The following RAI14 variants were observed in gnomAD, a reference collection of about 807,000 sequenced individuals.
The protein encoded by RAI14 is ankycorbin.
RAI14 carries 45 observed loss-of-function variants against 115.4 expected under a neutral mutation model. That is an observed-to-expected ratio of 0.39 (90% confidence interval 0.31 to 0.50). The LOEUF (loss-of-function observed/expected upper bound fraction) is 0.50, where lower values mean the gene tolerates loss of function less well. RAI14 is among the 20% of genes least tolerant of loss of function. The probability of loss-of-function intolerance (pLI) is 0.85; values close to 1 mark genes in which losing one functional copy is unlikely to be tolerated. For missense variants in RAI14, 939 were observed against 1,131.2 expected (o/e 0.83, Z 2.44); for synonymous variants, 371 against 415.4 (o/e 0.89, Z 1.30).
At chr5:34,687,412 G>T in intron 2 of RAI14, 1 of 452,622 alleles carries the variant, frequency 2.2e-6, no homozygotes, top group Non-Finnish European at 3.5e-6. Flanking sequence ...GTGGTAAAAT[G>T]GTATCTACTG....
intron 3 of RAI14, among the ~76,000 whole-genome samples, chr5:34,793,664 T>G (rs1753183464): frequency 5.3e-5 from 8 of 152,354 alleles, no homozygotes; most frequent in Non-Finnish European, 2.9e-5. Flanking sequence ...TTGATTGATT[T>G]GGGTGTGTGT....
intron 5 of RAI14, among the ~76,000 whole-genome samples, chr5:34,804,836 A>C (rs1025105976): frequency 2.6e-5 from 4 of 152,192 alleles, no homozygotes; most frequent in African/African-American, 9.7e-5. Flanking sequence ...ATCATTGCTC[A>C]AGCTCTCTGC....
At chr5:34,725,833 G>A (rs180927558) in intron 2 of RAI14, among the ~76,000 whole-genome samples, 141 of 151,774 alleles carry the variant, frequency 9.3e-4, no homozygotes, top group African/African-American at 3.1e-3. Context: ...CAGTGGTGGC[G>A]TATGCGTGTA....
chr5:34,752,468 C>T (rs1396153677), intron 2 of RAI14, among the ~76,000 whole-genome samples: 1 of 151,904 alleles, frequency 6.6e-6, no homozygotes, highest in Middle Eastern at 3.2e-3. Context: ...TTCATCAAGT[C>T]TAGACTGTGG....
chr5:34,736,608 G>A (rs1162172409), intron 2 of RAI14, among the ~76,000 whole-genome samples: 2 of 152,014 alleles, frequency 1.3e-5, no homozygotes, highest in Non-Finnish European at 2.9e-5. Context: ...TCACTGTGTT[G>A]CCCAGGCTGG....
At chr5:34,719,106 C>T (rs940147761) in intron 2 of RAI14, among the ~76,000 whole-genome samples, 1 of 152,074 alleles carries the variant, frequency 6.6e-6, no homozygotes, top group Non-Finnish European at 1.5e-5. Flanking sequence ...GACAGCTCGT[C>T]TCTGATCCGT....
Position 34,823,621 on chromosome 5 carries a change from G to A in RAI14, c.1779G>A (p.Glu593=), listed in dbSNP as rs1418951883. 1 of 1,614,022 alleles carries A rather than the reference G, an allele frequency of 6.2e-7. No individual in the cohort carries two copies. Among genetic ancestry groups the A allele is most frequent in the East Asian group, 2.2e-5 (1 of 44,886 alleles). The part of the protein sequence containing the change: ...YCSVIENMNK[E]KAFLFEKYQE... ...CTGTTATTGAGAATATGAATAAGGA[G>A]AAAGCATTTTTGTTTGAGAAATACC... Residue 593 remains glutamate (E), a synonymous_variant, in exon 15 of 18, where the codon GAG becomes GAA. Coordinates refer to ENST00000265109, the MANE Select transcript of RAI14 (RefSeq NM_015577.3). This position sits in a 1 kb window ranked among gnomAD's most constrained non-coding sequence, Gnocchi z 4.5.
At chr5:34,689,126 G>T (rs1404034396) in intron 2 of RAI14, among the ~76,000 whole-genome samples, 4 of 152,146 alleles carry the variant, frequency 2.6e-5, no homozygotes, top group Non-Finnish European at 5.9e-5. Context: ...GCAATCTGCT[G>T]GCACGGTGGC....
intron 1 of RAI14, among the ~76,000 whole-genome samples, chr5:34,678,546 A>G (rs1345671441): frequency 6.6e-6 from 1 of 152,230 alleles, no homozygotes; most frequent in Non-Finnish European, 1.5e-5. Flanking sequence ...ATGCAGACAC[A>G]CACAGAAGAC....
At chr5:34,695,060 G>A (rs1182913237) in intron 2 of RAI14, among the ~76,000 whole-genome samples, 2 of 152,024 alleles carry the variant, frequency 1.3e-5, no homozygotes, top group Non-Finnish European at 2.9e-5. Context: ...CACCATACCC[G>A]GCTGATTTTT....
chr5:34,755,924 T>C (rs908109789), intron 2 of RAI14, among the ~76,000 whole-genome samples: 1 of 152,188 alleles, frequency 6.6e-6, no homozygotes, highest in Non-Finnish European at 1.5e-5. Flanking sequence ...TCACACAACA[T>C]GTAAGTGTCA....
At chr5:34,783,518 G>A (rs1751922377) in intron 3 of RAI14, among the ~76,000 whole-genome samples, 1 of 152,098 alleles carries the variant, frequency 6.6e-6, no homozygotes, top group African/African-American at 2.4e-5. Context: ...TTTGTTATTG[G>A]ATTTCTCCCA....
intron 12 of RAI14, among the ~76,000 whole-genome samples, chr5:34,818,521 T>C (rs1011610267): frequency 6.6e-6 from 1 of 152,200 alleles, no homozygotes; most frequent in African/African-American, 2.4e-5. Flanking sequence ...CTTAAATATA[T>C]TTGCATTGTA....
intron 3 of RAI14, among the ~76,000 whole-genome samples, chr5:34,787,621 C>G (rs1156260849): frequency 6.6e-6 from 1 of 152,022 alleles, no homozygotes; most frequent in Non-Finnish European, 1.5e-5. Flanking sequence ...CTAATCGATA[C>G]AGGGATTTTT....
At chr5:34,704,250 T>C (rs1280120478) in intron 2 of RAI14, among the ~76,000 whole-genome samples, 1 of 152,214 alleles carries the variant, frequency 6.6e-6, no homozygotes, top group Admixed American at 6.5e-5. Flanking sequence ...TAACTCACCA[T>C]GGCAAGCAAA....
chr5:34,694,392 A>G (rs1364801237), intron 2 of RAI14, among the ~76,000 whole-genome samples: 1 of 152,190 alleles, frequency 6.6e-6, no homozygotes, highest in Non-Finnish European at 1.5e-5. Context: ...ATTTTCAACT[A>G]TATGGCAATA....
Position 34,757,643 on chromosome 5 carries a change from T to A in RAI14, c.167+45T>A, listed in dbSNP as rs983798338. 7.1e-6 allele frequency: 11 copies of A among 1,558,416 alleles called. No homozygotes were observed. The East Asian group carries it at 2.5e-4, about 35-fold the overall frequency. ...TGCAGATATGCTGGTTCTGGGTTTT[T>A]GGGGTGTTCTCTGGAATCCTTAGTA... On this transcript the variant is annotated intron_variant, in intron 3 of 17. Coordinates refer to ENST00000265109, the MANE Select transcript of RAI14 (RefSeq NM_015577.3).
chr5:34,771,194 A>G (rs1432198918), intron 3 of RAI14, among the ~76,000 whole-genome samples: 1 of 152,222 alleles, frequency 6.6e-6, no homozygotes, highest in African/African-American at 2.4e-5. Flanking sequence ...CTGTGAAATG[A>G]AGATGTTGGA....
At chr5:34,702,498 G>A (rs1034847193) in intron 2 of RAI14, among the ~76,000 whole-genome samples, 3 of 152,104 alleles carry the variant, frequency 2.0e-5, no homozygotes, top group Admixed American at 6.6e-5. Flanking sequence ...GCAAGTGAGC[G>A]GGGGAAGAAA....
Sources: allele counts gnomAD v4.1 joint callset (sites outside exome capture counted in the v4.1 genomes callset), GRCh38; gene constraint gnomAD v4.1.1; non-coding constraint Gnocchi (gnomAD v3.1); transcripts MANE v1.5; gene names NCBI Gene and HGNC (gene_info 2026-07-23, HGNC 2026-07-21).